The following EDC3 variants were observed in gnomAD, a reference collection of about 807,000 sequenced individuals.
EDC3 encodes enhancer of mRNA-decapping protein 3.
In EDC3, 20 loss-of-function variants were observed where a neutral mutation model predicts 41.8. The ratio of observed to expected loss-of-function variants is 0.48; its 90% CI spans 0.34 to 0.70. EDC3 has a LOEUF of 0.70. EDC3 is among the 30% of genes least tolerant of loss of function. The pLI, the probability that EDC3 is intolerant of heterozygous loss-of-function variation, is 0.01. For synonymous variants in EDC3, 206 were observed against 243.2 expected (o/e 0.85, Z 1.42); for missense variants, 444 against 636.8 (o/e 0.70, Z 3.26).
chr15:74,687,047 A>C (rs916981231), intron 1 of EDC3: 5 of 152,168 alleles, frequency 3.3e-5, no homozygotes, highest in Admixed American at 1.3e-4. Context: ...AAAAATAAAA[A>C]ATAAATAAAA....
intron 1 of EDC3, among the ~76,000 whole-genome samples, chr15:74,677,550 T>TC (rs2062820900): frequency 6.6e-6 from 1 of 151,958 alleles, no homozygotes; most frequent in Non-Finnish European, 1.5e-5. Flanking sequence ...TTGTTTTTTT[T>TC]CTCAGTAGAG....
intron 4 of EDC3, among the ~76,000 whole-genome samples, chr15:74,654,142 A>C (rs1325897662): frequency 2.6e-5 from 4 of 151,882 alleles, no homozygotes; most frequent in African/African-American, 7.3e-5. Flanking sequence ...AGTCCCAGCT[A>C]CTCAGGAGGC....
intron 3 of EDC3, among the ~76,000 whole-genome samples, chr15:74,658,624 G>GAAAAAAA (rs60193835): frequency 7.7e-5 from 3 of 39,044 alleles, no homozygotes; most frequent in Non-Finnish European, 1.5e-4. Context: ...TTACGTCTCT[G>GAAAAAAA]AAAAAAAAAA....
chr15:74,660,646 C>T (rs2062610925), intron 3 of EDC3, among the ~76,000 whole-genome samples: 1 of 151,960 alleles, frequency 6.6e-6, no homozygotes, highest in African/African-American at 2.4e-5. Flanking sequence ...CAACGTACTG[C>T]CTCAATATTA....
intron 2 of EDC3, among the ~76,000 whole-genome samples, chr15:74,672,194 G>A (rs868107841): frequency 0.023 from 3,338 of 147,890 alleles, 126 homozygotes; most frequent in African/African-American, 0.079. Context: ...GCGTGAACCC[G>A]GGAGGCGGAG....
intron 4 of EDC3, chr15:74,640,914 C>G: frequency 2.6e-6 from 1 of 379,752 alleles, no homozygotes; most frequent in Non-Finnish European, 4.9e-6. Context: ...ATATTTAGTG[C>G]TATCGAGACC....
At chr15:74,665,457 C>G (rs1020232858) in intron 3 of EDC3, among the ~76,000 whole-genome samples, 5 of 152,184 alleles carry the variant, frequency 3.3e-5, no homozygotes, top group Admixed American at 3.3e-4. Context: ...CTTTCATCTG[C>G]CCCTCATGGT....
intron 6 of EDC3, chr15:74,635,159 A>T (rs954145539): frequency 1.0e-5 from 7 of 680,110 alleles, no homozygotes; most frequent in African/African-American, 1.8e-5. Context: ...TAGCATCAGG[A>T]AGAGTGCCTG....
At chr15:74,645,565 G>GGGT (rs1555452886) in intron 4 of EDC3, among the ~76,000 whole-genome samples, 1 of 43,702 alleles carries the variant, frequency 2.3e-5, no homozygotes, top group Non-Finnish European at 4.8e-5. Flanking sequence ...AAAAAAAGTT[G>GGGT]GGGGGGGGGG....
chr15:74,671,062 C>T lies in EDC3; in HGVS notation c.484+393G>A, dbSNP rs1398226782. Among the ~76,000 whole-genome samples the T allele has an allele frequency of 6.6e-6, 1 of 151,624 alleles. No homozygotes were observed. Among genetic ancestry groups the T allele is most frequent in the Non-Finnish European group, 1.5e-5 (1 of 67,932 alleles). Reference sequence around the variant, plus strand: ...TTTTTCTTTTTCAGAAACAGAATCTCACTATTTTGCCCAGACTAGCCTTGA... The same window carrying T: ...TTTTTCTTTTTCAGAAACAGAATCTTACTATTTTGCCCAGACTAGCCTTGA... On this transcript the variant is annotated intron_variant, in intron 3 of 6. Transcript: ENST00000315127. This position sits in a 1 kb window ranked among gnomAD's most constrained non-coding sequence, Gnocchi z 4.6.
intron 1 of EDC3, among the ~76,000 whole-genome samples, chr15:74,682,857 T>C (rs2062890149): frequency 6.6e-6 from 1 of 150,652 alleles, no homozygotes. Context: ...ATCCTGTCTC[T>C]ACTAAAAATA....
intron 1 of EDC3, among the ~76,000 whole-genome samples, chr15:74,695,009 T>G (rs1380015392): frequency 1.3e-5 from 2 of 151,634 alleles, no homozygotes; most frequent in African/African-American, 2.4e-5. Context: ...GTTGAAATAC[T>G]AAACTGCTTG....
At chr15:74,669,363 T>A (rs2062713571) in intron 3 of EDC3, among the ~76,000 whole-genome samples, 2 of 144,308 alleles carry the variant, frequency 1.4e-5, no homozygotes, top group Non-Finnish European at 1.5e-5. Context: ...AAAAAAAAAA[T>A]TAGCCGGGCA....
rs553644381 is a variant in EDC3 at position 74,667,171 on chromosome 15, G to A, written c.484+4284C>T. Among the ~76,000 whole-genome samples the A allele has an allele frequency of 1.4e-4, 21 of 152,002 alleles. No homozygotes were observed. In the South Asian group the frequency reaches 4.2e-3, roughly 30 times the overall value. On this transcript the variant is annotated intron_variant, in intron 3 of 6. Transcript: ENST00000315127. ...TGTTGGAGTGAGAAGTAACAGACAA[G>A]CAAAAGGAGAAGGCTAGAAGGATCC... is the stretch of plus-strand genomic sequence containing the variant.
intron 4 of EDC3, among the ~76,000 whole-genome samples, chr15:74,654,697 A>G (rs2062524038): frequency 6.6e-6 from 1 of 151,874 alleles, no homozygotes; most frequent in Admixed American, 6.6e-5. Flanking sequence ...TCTTAGCCTG[A>G]CAGTTGGCCT....
At chr15:74,667,460 G>A (rs1481013656) in intron 3 of EDC3, among the ~76,000 whole-genome samples, 1 of 117,316 alleles carries the variant, frequency 8.5e-6, no homozygotes, top group Non-Finnish European at 1.8e-5. Flanking sequence ...GGGAGAGGGA[G>A]GGGGTGGAGG....
intron 4 of EDC3, among the ~76,000 whole-genome samples, chr15:74,647,854 G>A (rs996639517): frequency 2.0e-5 from 3 of 152,134 alleles, no homozygotes; most frequent in Admixed American, 1.3e-4. Flanking sequence ...CTTCGCAGAG[G>A]AGCACAGGTT....
chr15:74,662,446 A>T (rs991094978), intron 3 of EDC3, among the ~76,000 whole-genome samples: 6 of 144,230 alleles, frequency 4.2e-5, no homozygotes, highest in African/African-American at 1.5e-4. Context: ...TTTTTTTTTT[A>T]AAAAGCAAAC....
At chr15:74,641,671 G>A (rs1206129190) in intron 4 of EDC3, 1 of 152,798 alleles carries the variant, frequency 6.5e-6, no homozygotes, top group East Asian at 1.9e-4. Context: ...CAATCAGCAA[G>A]CCACTGTGGG....
Sources: allele counts gnomAD v4.1 joint callset (sites outside exome capture counted in the v4.1 genomes callset), GRCh38; gene constraint gnomAD v4.1.1; non-coding constraint Gnocchi (gnomAD v3.1); transcripts MANE v1.5; gene names NCBI Gene and HGNC (gene_info 2026-07-23, HGNC 2026-07-21).